TSPAN16: variants seen among roughly 807,000 people sequenced by gnomAD.
TSPAN16 encodes the protein tetraspanin-16.
A neutral mutation model predicts 25.2 loss-of-function variants in TSPAN16; 23 were observed. The ratio of observed to expected loss-of-function variants is 0.91; its 90% CI spans 0.66 to 1.29. The LOEUF (loss-of-function observed/expected upper bound fraction) is 1.29, where lower values mean the gene tolerates loss of function less well. Among genes scored for constraint, TSPAN16 ranks in the 50% most tolerant of loss-of-function variants. The probability of loss-of-function intolerance (pLI) is 0.00; values close to 1 mark genes in which losing one functional copy is unlikely to be tolerated. For synonymous variants in TSPAN16, 123 were observed against 124.4 expected, an observed-to-expected ratio of 0.99 and a Z score of 0.08; for missense variants, 272 against 299.9, an observed-to-expected ratio of 0.91 and a Z score of 0.69.
At chr19:11,299,305 T>C (rs1455017196) in intron 3 of TSPAN16, among the ~76,000 whole-genome samples, 5 of 150,172 alleles carry the variant, frequency 3.3e-5, no homozygotes, top group Middle Eastern at 3.4e-3. Flanking sequence ...ATAGAACCAA[T>C]AGAAGTCCGC....
At chr19:11,322,226 T>A (rs939151619) in intron 6 of TSPAN16, 1 of 152,126 alleles carries the variant, frequency 6.6e-6, no homozygotes, top group African/African-American at 2.4e-5. Flanking sequence ...GAGGAGCCGG[T>A]AGCAGAATTA....
chr19:11,319,964 G>A (rs1449374818), downstream of TSPAN16, among the ~76,000 whole-genome samples: 4 of 151,878 alleles, frequency 2.6e-5, no homozygotes, highest in East Asian at 2.0e-4. Flanking sequence ...ACAGGCGCCC[G>A]CCACCACGCC....
intron 4 of TSPAN16, among the ~76,000 whole-genome samples, chr19:11,302,421 C>T (rs1018259611): frequency 6.9e-6 from 1 of 145,918 alleles, no homozygotes; most frequent in Non-Finnish European, 1.5e-5. Flanking sequence ...CCCAGCTACT[C>T]GGGAGGCTGA....
chr19:11,312,825 C>T (rs1252326152), intron 6 of TSPAN16, among the ~76,000 whole-genome samples: 1 of 151,918 alleles, frequency 6.6e-6, no homozygotes, highest in Non-Finnish European at 1.5e-5. Flanking sequence ...AAAGATTACT[C>T]AAATTAGTAA....
intron 5 of TSPAN16, among the ~76,000 whole-genome samples, chr19:11,307,410 A>G (rs561758105): frequency 6.7e-6 from 1 of 149,774 alleles, no homozygotes; most frequent in Non-Finnish European, 1.5e-5. Flanking sequence ...ATGAGCCACC[A>G]CACCCGGCCT....
At chr19:11,301,809 A>G (rs1317741280) in intron 4 of TSPAN16, among the ~76,000 whole-genome samples, 2 of 149,082 alleles carry the variant, frequency 1.3e-5, no homozygotes, top group African/African-American at 2.5e-5. Flanking sequence ...TCTTGTAAAC[A>G]TGAAATGTAT....
At chr19:11,303,319 G>A (rs926430331) in intron 4 of TSPAN16, among the ~76,000 whole-genome samples, 99 of 144,108 alleles carry the variant, frequency 6.9e-4, no homozygotes, top group African/African-American at 2.6e-3. Flanking sequence ...GATTAAGGGC[G>A]GTGCAAGATG....
chr19:11,297,689 G>C (rs1327543042), intron 1 of TSPAN16, among the ~76,000 whole-genome samples: 1 of 152,152 alleles, frequency 6.6e-6, no homozygotes, highest in African/African-American at 2.4e-5. Flanking sequence ...TAGAGACAGG[G>C]TTTCGCCATG....
At chr19:11,302,803 C>A (rs1285704879) in intron 4 of TSPAN16, among the ~76,000 whole-genome samples, 1 of 151,218 alleles carries the variant, frequency 6.6e-6, no homozygotes, top group African/African-American at 2.4e-5. Flanking sequence ...ACTGCAACCT[C>A]TGCCTCCCAG....
At chr19:11,308,695 C>T (rs1416580282) in intron 5 of TSPAN16, among the ~76,000 whole-genome samples, 2 of 151,862 alleles carry the variant, frequency 1.3e-5, no homozygotes, top group East Asian at 3.9e-4. Flanking sequence ...GGATGGTCTC[C>T]ATCTCCTGAC....
In TSPAN16 at chr19:11,306,740, A is replaced by T. The variant is rs1198249601; in HGVS notation, c.587A>T (p.Asn196Ile). The change falls in exon 5 of 7, where the codon AAC (asparagine) becomes ATC (isoleucine). Residue 196 changes from asparagine (N) to isoleucine (I), a missense_variant. Asn to Ile is a moderately radical substitution (Grantham distance 149). Transcript: ENST00000590327. ...TGTGACGGACGCGATGTGTCTCCAA[A>T]CGTCATCCACCAGAAGGTAACTGGA... ...VSCDGRDVSP[N>I]VIHQKGCFHK... 6.2e-7 allele frequency: 1 copy of T among 1,613,910 alleles called. No individual in the cohort carries two copies. The highest frequency in any genetic ancestry group is 1.1e-5 in the South Asian group (1 of 91,046).
At chr19:11,321,038 GT>G (rs2080776202) in intron 6 of TSPAN16, among the ~76,000 whole-genome samples, 1 of 151,964 alleles carries the variant, frequency 6.6e-6, no homozygotes. Context: ...GCGTAGTGGA[GT>G]GTGCCTGTAA....
At chr19:11,309,379 A>G (rs2080665946) in intron 5 of TSPAN16, among the ~76,000 whole-genome samples, 1 of 152,190 alleles carries the variant, frequency 6.6e-6, no homozygotes. Context: ...TGGGCCCTAC[A>G]CAACCTACCT....
At chr19:11,326,875 G>A in exon 7 of TSPAN16, 1 of 608,750 alleles carries the variant, frequency 1.6e-6, no homozygotes, top group Non-Finnish European at 2.9e-6. Context: ...CTCCCAAAGT[G>A]CTGGGTTTAC....
In TSPAN16 at chr19:11,312,121, T is replaced by G. The variant is rs746514757; in HGVS notation, c.604-18T>G. The G allele has an allele frequency of 6.2e-7, 1 of 1,605,494 alleles. No homozygotes were observed. Among genetic ancestry groups the G allele is most frequent in the Non-Finnish European group, 8.5e-7 (1 of 1,175,068 alleles). ...GCCCCTAACCACCTCCTGCTTGTTT[T>G]GGTGTTTGTTTCCTCAGGGCTGTTT... is the stretch of plus-strand genomic sequence containing the variant. On this transcript the variant is annotated intron_variant, in intron 5 of 6. Coordinates refer to ENST00000590327, the MANE Select transcript of TSPAN16 (RefSeq NM_001282509.2).
intron 3 of TSPAN16, 181 bp from the exon 4 acceptor site, chr19:11,301,017 TGTG>T (rs1053187485): frequency 2.3e-5 from 13 of 567,138 alleles, no homozygotes; most frequent in African/African-American, 1.5e-4. Flanking sequence ...TTCCCTCTCT[TGTG>T]GTGGGGGCAC....
intron 3 of TSPAN16, among the ~76,000 whole-genome samples, chr19:11,299,468 C>T (rs1450379125): frequency 6.6e-6 from 1 of 152,088 alleles, no homozygotes; most frequent in Non-Finnish European, 1.5e-5. Flanking sequence ...GTTCATCCCT[C>T]TTGGGTTTGG....
In TSPAN16 at chr19:11,296,246, A is replaced by G; in HGVS notation, c.-52A>G. On this transcript the variant is annotated 5_prime_UTR_variant, in exon 1 of 7. Transcript: ENST00000590327. ...ATCATCTTGGGAAACAGTAGCCCAG[A>G]GGTTCAGGAAGATGTTAACTTAAAT... 1 of 1,572,194 alleles carries G rather than the reference A, an allele frequency of 6.4e-7. No individual in the cohort carries two copies. Among genetic ancestry groups the G allele is most frequent in the Non-Finnish European group, 8.7e-7 (1 of 1,143,134 alleles).
At chr19:11,309,199 A>G (rs1340220992) in intron 5 of TSPAN16, among the ~76,000 whole-genome samples, 1 of 148,800 alleles carries the variant, frequency 6.7e-6, no homozygotes, top group Admixed American at 6.8e-5. Flanking sequence ...ACAGAGCAAG[A>G]CCCCTCTCTA....
Sources: allele counts gnomAD v4.1 joint callset (sites outside exome capture counted in the v4.1 genomes callset), GRCh38; gene constraint gnomAD v4.1.1; transcripts MANE v1.5; gene names NCBI Gene and HGNC (gene_info 2026-07-23, HGNC 2026-07-21).